Variants in KCNAB3 observed in about 807,000 individuals in gnomAD.
The protein encoded by KCNAB3 is voltage-gated potassium channel subunit beta-3.
KCNAB3 carries 62 observed loss-of-function variants against 67.7 expected under a neutral mutation model. That is an observed-to-expected ratio of 0.92 (90% CI 0.75 to 1.13). The LOEUF (loss-of-function observed/expected upper bound fraction) is 1.13, where lower values mean the gene tolerates loss of function less well. KCNAB3 is among the 50% of genes most tolerant of loss of function. The pLI is 0.00. For missense variants in KCNAB3, 514 were observed against 522.9 expected, an observed-to-expected ratio of 0.98 and a Z score of 0.17; for synonymous variants, 212 against 205.4, an observed-to-expected ratio of 1.03 and a Z score of -0.27.
Position 7,929,346 on chromosome 17 carries a change from GC to G in KCNAB3, c.89del (p.Gly30AlafsTer49). 6.5e-7 allele frequency: 1 copy of G among 1,549,392 alleles called. No homozygotes were observed. The highest frequency in any genetic ancestry group is 8.7e-7 in the Non-Finnish European group (1 of 1,146,792). On this transcript the variant is annotated frameshift_variant, in exon 1 of 14. Coordinates refer to ENST00000303790, the MANE Select transcript of KCNAB3 (RefSeq NM_004732.4). LOFTEE classifies it high-confidence loss of function. The surrounding 1 kb of genome is among the most constrained non-coding windows in gnomAD (Gnocchi z 5.7). ...RLCGPRPGPG[G>X]GNGGPAGGGH... ...CCCCGCCGGCCGGCCCACCATTACCGCCCCCGGGGCCCGGCCGGGGTCCACA... is the reference window on the plus strand; with the variant it reads ...CCCCGCCGGCCGGCCCACCATTACCGCCCCGGGGCCCGGCCGGGGTCCACA...
In KCNAB3 at chr17:7,925,247, A is replaced by G. The variant is rs1001342729; in HGVS notation, c.539-64T>C. The G allele has an allele frequency of 1.1e-5, 15 of 1,343,360 alleles. No individual in the cohort carries two copies. In the South Asian group the frequency reaches 1.8e-4, roughly 16 times the overall value. 83.2% of individuals were successfully genotyped at this position (1,343,360 alleles called of 1,614,324 possible). A position where few individuals can be genotyped will look rare whatever the true frequency, so the allele number is the denominator to read the frequency against. On this transcript the variant is annotated intron_variant, in intron 7 of 13. Transcript: ENST00000303790. ...CTTCAGTGTACTAAGAATGCAGGCC[A>G]CCAGGCGTGGTGGCTCATGCCTGTA...
At chr17:7,927,078 C>T (rs1301001111) in intron 4 of KCNAB3, 2 of 465,568 alleles carry the variant, frequency 4.3e-6, no homozygotes, top group Non-Finnish European at 7.9e-6. Context: ...GAAAATTCAT[C>T]TTTGTAGTTG....
chr17:7,928,512 A>G (rs935151620), intron 1 of KCNAB3, among the ~76,000 whole-genome samples: 1 of 152,062 alleles, frequency 6.6e-6, no homozygotes, highest in Non-Finnish European at 1.5e-5. Context: ...GCCACCATAT[A>G]GAGGGGATCA....
Position 7,929,086 on chromosome 17 carries a change from G to A in KCNAB3, c.242+108C>T. 2 of 1,478,376 alleles carry A rather than the reference G, an allele frequency of 1.4e-6. No homozygotes were observed. The highest frequency in any genetic ancestry group is 9.1e-7 in the Non-Finnish European group (1 of 1,104,150). 91.6% of individuals were successfully genotyped at this position (1,478,376 alleles called of 1,614,324 possible). A position where few individuals can be genotyped will look rare whatever the true frequency, so the allele number is the denominator to read the frequency against. On this transcript the variant is annotated intron_variant, in intron 1 of 13. Coordinates refer to ENST00000303790, the MANE Select transcript of KCNAB3 (RefSeq NM_004732.4). This position sits in a 1 kb window ranked among gnomAD's most constrained non-coding sequence, Gnocchi z 5.7. ...AGACAGAAAGAAGAGATGGAAAGAA[G>A]GGAGACCTACTTAGTGAAGTTTGAA...
At chr17:7,927,258 G>A in intron 4 of KCNAB3, 86 bp downstream of exon 4, 1 of 1,283,428 alleles carries the variant, frequency 7.8e-7, no homozygotes, top group South Asian at 1.2e-5. Flanking sequence ...AAGTCCCAGG[G>A]TTCTTTAGAG....
chr17:7,924,823 G>C (rs1972170839), intron 8 of KCNAB3: 1 of 673,416 alleles, frequency 1.5e-6, no homozygotes, highest in Non-Finnish European at 2.3e-6. Context: ...GCTCACTGTG[G>C]CCTCAAACTC....
In KCNAB3 at chr17:7,922,891, G is replaced by C; in HGVS notation, c.*211C>G. 1.7e-6 allele frequency: 1 copy of C among 589,044 alleles called. No individual in the cohort carries two copies. Among genetic ancestry groups the C allele is most frequent in the Non-Finnish European group, 3.1e-6 (1 of 327,554 alleles). The allele number at this position is 589,044 out of a possible 1,614,324, so 36.5% of individuals were successfully genotyped here. A position where few individuals can be genotyped will look rare whatever the true frequency, so the allele number is the denominator to read the frequency against. On this transcript the variant is annotated 3_prime_UTR_variant, in exon 14 of 14. Coordinates refer to ENST00000303790, the MANE Select transcript of KCNAB3 (RefSeq NM_004732.4). The stretch of plus-strand genomic sequence containing the variant: ...AGGGCCTAGAAAGACGCAGCAGGGG[G>C]CGGGCGTGCTACTTTCTCTCTCGAC...
chr17:7,929,569 A>G lies in KCNAB3; in HGVS notation c.-134T>C. 6.9e-7 allele frequency: 1 copy of G among 1,459,598 alleles called. No individual in the cohort carries two copies. The highest frequency in any genetic ancestry group is 9.0e-7 in the Non-Finnish European group (1 of 1,113,704). 90.4% of individuals were successfully genotyped at this position (1,459,598 alleles called of 1,614,324 possible). ...GGAAGGCTGAGGAGGCTGCGGCGGG[A>G]GCCGCCAGGCAGGATCGGGCCCGCG... On this transcript the variant is annotated 5_prime_UTR_variant, in exon 1 of 14. Transcript: ENST00000303790. This position sits in a 1 kb window ranked among gnomAD's most constrained non-coding sequence, Gnocchi z 5.7.
At chr17:7,924,882 A>G in intron 8 of KCNAB3, 1 of 568,240 alleles carries the variant, frequency 1.8e-6, no homozygotes, top group Non-Finnish European at 3.0e-6. Flanking sequence ...AGCTGGGAGT[A>G]CAAGGCACAC....
At position 7,929,430 on chromosome 17, in the gene KCNAB3, C is replaced by T. The variant is rs1233586084; in HGVS notation, c.6G>A (p.Gln2=). 6.5e-7 allele frequency: 1 copy of T among 1,547,146 alleles called. No individual in the cohort carries two copies. Among genetic ancestry groups the T allele is most frequent in the Admixed American group, 2.0e-5 (1 of 50,956 alleles). Residue 2 remains glutamine (Q), a synonymous_variant, in exon 1 of 14, where the codon CAG becomes CAA. Coordinates refer to ENST00000303790, the MANE Select transcript of KCNAB3 (RefSeq NM_004732.4). The surrounding 1 kb of genome is among the most constrained non-coding windows in gnomAD (Gnocchi z 5.7). The part of the protein sequence containing the change: M[Q]VSIACTEQNL... Reference sequence around the variant, plus strand: ...TCTGCTCGGTACACGCGATAGACACCTGCATGCTGGCTGGCCGAGGCGGGG... The same window carrying T: ...TCTGCTCGGTACACGCGATAGACACTTGCATGCTGGCTGGCCGAGGCGGGG...
intron 4 of KCNAB3, 51 bp from the exon 5 acceptor site, chr17:7,926,154 C>T: frequency 8.8e-6 from 14 of 1,599,934 alleles, no homozygotes; most frequent in Non-Finnish European, 1.2e-5. Context: ...CCAATCAATT[C>T]CTTCCTCTCC....
At chr17:7,928,187 T>C (rs909130865) in intron 1 of KCNAB3, 2 of 381,360 alleles carry the variant, frequency 5.2e-6, no homozygotes, top group East Asian at 5.3e-5. Flanking sequence ...TTTTGTTTGA[T>C]TGTGGTGAGT....
rs774823226 is a variant in KCNAB3, at chr17:7,923,499, AC to A, written c.1093del (p.Val365CysfsTer7). On this transcript the variant is annotated frameshift_variant, in exon 13 of 14. Coordinates refer to ENST00000303790, the MANE Select transcript of KCNAB3 (RefSeq NM_004732.4). LOFTEE classifies it high-confidence loss of function. ...SEGVSSVLLG[V>X]SSAEQLIEHL... The stretch of plus-strand genomic sequence containing the variant: ...TTCTATCAACTGCTCCGCACTCGAC[AC>A]CCCCAGCAAGACAGAGCTGACACCC... 6.2e-7 allele frequency: 1 copy of A among 1,612,338 alleles called. No homozygotes were observed. The highest frequency in any genetic ancestry group is 8.5e-7 in the Non-Finnish European group (1 of 1,179,376).
Position 7,929,619 on chromosome 17 carries a change from G to A in KCNAB3, c.-184C>T. The A allele has an allele frequency of 7.0e-7, 1 of 1,431,174 alleles. No homozygotes were observed. The highest frequency in any genetic ancestry group is 9.1e-7 in the Non-Finnish European group (1 of 1,100,860). 88.7% of individuals were successfully genotyped at this position (1,431,174 alleles called of 1,614,324 possible). A position where few individuals can be genotyped will look rare whatever the true frequency, so the allele number is the denominator to read the frequency against. On this transcript the variant is annotated 5_prime_UTR_variant, in exon 1 of 14. Coordinates refer to ENST00000303790, the MANE Select transcript of KCNAB3 (RefSeq NM_004732.4). This position sits in a 1 kb window ranked among gnomAD's most constrained non-coding sequence, Gnocchi z 5.7. ...GGGGGCGGGCTGCTGGAGGTCGCGAGGTTTGCGGCGGGAGGGAAGAAACGT... is the reference window on the plus strand; with the variant it reads ...GGGGGCGGGCTGCTGGAGGTCGCGAAGTTTGCGGCGGGAGGGAAGAAACGT...
intron 8 of KCNAB3, 105 bp from the exon 9 acceptor site, chr17:7,924,605 G>T: frequency 6.8e-7 from 1 of 1,464,312 alleles, no homozygotes. Flanking sequence ...GCAACTCTAT[G>T]GAGTCATGAA....
rs375036792 is a variant in KCNAB3 at position 7,925,545 on chromosome 17, AAAAAAAG to A, written c.538+131_538+137del. On this transcript the variant is annotated intron_variant, in intron 7 of 13. Transcript: ENST00000303790. The stretch of plus-strand genomic sequence containing the variant: ...ACTCCGTCTCAAAAAAAAAAAAAAA[AAAAAAAG>A]AATTCAGACCTTGCCCCCTTGCCAT... The A allele has an allele frequency of 8.3e-4, 644 of 775,888 alleles. 4 individuals carry two copies. Among genetic ancestry groups the A allele is most frequent in the Admixed American group, 1.6e-3 (70 of 43,218 alleles). The allele number at this position is 775,888 out of a possible 1,614,324, so 48.1% of individuals were successfully genotyped here.
intron 8 of KCNAB3, chr17:7,924,834 C>G: frequency 1.6e-6 from 1 of 643,316 alleles, no homozygotes; most frequent in Non-Finnish European, 2.4e-6. Context: ...CCTCAAACTC[C>G]TGGGCTTGAA....
Position 7,923,737 on chromosome 17 carries a change from C to T in KCNAB3, c.1022G>A (p.Gly341Asp). 1 of 1,567,664 alleles carries T rather than the reference C, an allele frequency of 6.4e-7. No homozygotes were observed. The highest frequency in any genetic ancestry group is 8.7e-7 in the Non-Finnish European group (1 of 1,155,312). The change falls in exon 12 of 14, where the codon GGC (glycine) becomes GAC (aspartate). Residue 341 changes from glycine to aspartate, a missense_variant. By Grantham distance (94) the Gly-to-Asp change is moderately conservative (BLOSUM62 -1). Coordinates refer to ENST00000303790, the MANE Select transcript of KCNAB3 (RefSeq NM_004732.4). ...MDLLPVAHQL[G>D]CTVAQLAIAW... The stretch of plus-strand genomic sequence containing the variant: ...AATAGCAAGCTGGGCCACGGTGCAG[C>T]CCAGCTGGTGAGCGACAGGAAGAAG...
At chr17:7,927,733 G>A in intron 2 of KCNAB3, 39 bp from the exon 3 acceptor site, 3 of 1,614,164 alleles carry the variant, frequency 1.9e-6, no homozygotes, top group Non-Finnish European at 2.5e-6. Flanking sequence ...ACTGCAGGGG[G>A]CAGACCATGA....
Sources: gnomAD v4.1 joint callset for allele counts (sites outside exome capture counted in the v4.1 genomes callset) on GRCh38, gnomAD v4.1.1 for gene constraint, Gnocchi (gnomAD v3.1) non-coding constraint, MANE v1.5 for transcripts, NCBI Gene and HGNC (gene_info 2026-07-23, HGNC 2026-07-21) for gene names.